SLCO1B3: variants seen among roughly 807,000 people sequenced by gnomAD.
SLCO1B3 encodes the protein solute carrier organic anion transporter family member 1B3.
Under a neutral mutation model 71.8 loss-of-function variants are expected in SLCO1B3, and 72 were observed. The observed-to-expected ratio is 1.00, with a 90% CI of 0.83 to 1.22. The LOEUF (loss-of-function observed/expected upper bound fraction) is 1.22, where lower values mean the gene tolerates loss of function less well. Ranked by LOEUF, SLCO1B3 falls within the 50% of genes most tolerant of loss-of-function variation. SLCO1B3 has a pLI of 0.00. For synonymous variants in SLCO1B3, 298 were observed against 278.4 expected, an observed-to-expected ratio of 1.07 and a Z score of -0.70; for missense variants, 911 against 819.7, an observed-to-expected ratio of 1.11 and a Z score of -1.36.
chr12:20,848,516 A>G (rs1295339089), intron 3 of SLCO1B3, among the ~76,000 whole-genome samples: 1 of 152,182 alleles, frequency 6.6e-6, no homozygotes, highest in African/African-American at 2.4e-5. Context: ...ACTTATATCC[A>G]CATAAAAGCC....
chr12:20,815,268 A>G (rs989610284), intron 2 of SLCO1B3, among the ~76,000 whole-genome samples: 5 of 152,162 alleles, frequency 3.3e-5, no homozygotes, highest in African/African-American at 9.7e-5. Context: ...ACTATGTGCA[A>G]GTCATCATTT....
chr12:20,913,280 T>C (rs774840055), intron 15 of SLCO1B3, among the ~76,000 whole-genome samples: 8 of 152,196 alleles, frequency 5.3e-5, no homozygotes, highest in Non-Finnish European at 1.0e-4. Flanking sequence ...AACAATACAC[T>C]ATGTACCATA....
intron 8 of SLCO1B3, among the ~76,000 whole-genome samples, chr12:20,870,376 C>G (rs1865454333): frequency 6.6e-6 from 1 of 152,016 alleles, no homozygotes; most frequent in Admixed American, 6.6e-5. Context: ...ATTGCCTGTG[C>G]TTTTGGTGGT....
At chr12:20,852,000 T>C (rs937387703) in intron 3 of SLCO1B3, among the ~76,000 whole-genome samples, 5 of 152,220 alleles carry the variant, frequency 3.3e-5, no homozygotes, top group African/African-American at 1.2e-4. Context: ...CTCTATTCTA[T>C]TCCATTGTTT....
intron 3 of SLCO1B3, among the ~76,000 whole-genome samples, chr12:20,853,077 G>T (rs538141040): frequency 5.3e-5 from 8 of 152,128 alleles, no homozygotes; most frequent in Non-Finnish European, 1.0e-4. Context: ...ATTTAATTTT[G>T]TATGTTAAAC....
intron 3 of SLCO1B3, among the ~76,000 whole-genome samples, chr12:20,854,339 T>C (rs1034792247): frequency 6.6e-6 from 1 of 152,118 alleles, no homozygotes; most frequent in African/African-American, 2.4e-5. Context: ...CATTTTTCCT[T>C]CAGTTGTATC....
At chr12:20,876,040 T>G (rs1383668139) in intron 9 of SLCO1B3, among the ~76,000 whole-genome samples, 1 of 151,432 alleles carries the variant, frequency 6.6e-6, no homozygotes, top group Non-Finnish European at 1.5e-5. Context: ...AAGATTATTT[T>G]TCTTGGTAAT....
chr12:20,829,083 G>A (rs1011115503), intron 3 of SLCO1B3, among the ~76,000 whole-genome samples: 1 of 152,150 alleles, frequency 6.6e-6, no homozygotes, highest in African/African-American at 2.4e-5. Flanking sequence ...CTTTGACCAT[G>A]TTGAGTAGAG....
chr12:20,850,336 A>G lies in SLCO1B3; in HGVS notation c.85-4692A>G, dbSNP rs370106781. ...GCTCTGTCGCCAAGGCTGGAGTGCC[A>G]TGGCGCATTCTCGGCTCACTGCAAG... is the stretch of plus-strand genomic sequence containing the variant. On this transcript the variant is annotated intron_variant, in intron 3 of 15. Transcript: ENST00000381545. 2.4e-4 allele frequency among the ~76,000 whole-genome samples: 36 copies of G among 150,652 alleles called. 1 individual carries two copies. In the South Asian group the frequency reaches 7.3e-3, roughly 31 times the overall value.
rs114735965 is a variant in SLCO1B3, at chr12:20,845,082, A to G, written c.85-9946A>G. The G allele has an allele frequency of 1.6e-3, 657 of 401,084 alleles. 4 individuals carry two copies. Among genetic ancestry groups the G allele is most frequent in the African/African-American group, 0.013 (624 of 46,804 alleles). The allele number at this position is 401,084 out of a possible 1,614,324, so 24.8% of individuals were successfully genotyped here. On this transcript the variant is annotated intron_variant, in intron 3 of 15. Transcript: ENST00000381545. ...CTATCCCTCTAAGTTTCAGAGATGG[A>G]TTCATTGCTAACCAAGGTGATGGAA...
In SLCO1B3 at chr12:20,901,387, T is replaced by G. The variant is rs1159094643; in HGVS notation, c.1785T>G (p.Ile595Met). ...CTCCAATATATTTTGGGGCTCTGATTGATAAAACATGTATGAAGTGGTCCA... is the reference window on the plus strand; with the variant it reads ...CTCCAATATATTTTGGGGCTCTGATGGATAAAACATGTATGAAGTGGTCCA... Reference protein sequence around the residue: ...ILAPIYFGALIDKTCMKWSTN... With the variant: ...ILAPIYFGALMDKTCMKWSTN... Residue 595 changes from isoleucine (I) to methionine (M), a missense_variant, in exon 15 of 16, where the codon ATT becomes ATG. Physicochemically the swap from Ile to Met is conservative, Grantham distance 10 (BLOSUM62 1). Coordinates refer to ENST00000381545, the MANE Select transcript of SLCO1B3 (RefSeq NM_019844.4). The G allele has an allele frequency of 1.3e-6, 2 of 1,592,118 alleles. No homozygotes were observed. Among genetic ancestry groups the G allele is most frequent in the South Asian group, 1.2e-5 (1 of 85,210 alleles).
At position 20,818,130 on chromosome 12, in the gene SLCO1B3, G is replaced by A. The variant is rs538452910; in HGVS notation, c.84+2308G>A. Reference sequence around the variant, plus strand: ...AGACTGGGGCCTAATAAAAAGGAGCGTCTATACAGGAGCTTAAATGGGCTG... The same window carrying A: ...AGACTGGGGCCTAATAAAAAGGAGCATCTATACAGGAGCTTAAATGGGCTG... On this transcript the variant is annotated intron_variant, in intron 3 of 15. Transcript: ENST00000381545. Among the ~76,000 whole-genome samples, 108 of 152,256 alleles carry A rather than the reference G, an allele frequency of 7.1e-4. No individual in the cohort carries two copies. The South Asian group carries it at 0.02, about 29-fold the overall frequency.
At chr12:20,828,138 T>C (rs1303190630) in intron 3 of SLCO1B3, among the ~76,000 whole-genome samples, 1 of 152,096 alleles carries the variant, frequency 6.6e-6, no homozygotes, top group Non-Finnish European at 1.5e-5. Context: ...TGCACAAAGC[T>C]CCACTGAATC....
chr12:20,851,241 C>A (rs1446104447), intron 3 of SLCO1B3, among the ~76,000 whole-genome samples: 1 of 152,096 alleles, frequency 6.6e-6, no homozygotes, highest in Non-Finnish European at 1.5e-5. Context: ...TTTGTGAAAA[C>A]TCCAAACTAG....
chr12:20,871,068 A>G (rs1019760117), intron 8 of SLCO1B3, among the ~76,000 whole-genome samples: 9 of 152,088 alleles, frequency 5.9e-5, no homozygotes, highest in African/African-American at 9.7e-5. Context: ...ATTCTAATGT[A>G]TTGTTGAATT....
At chr12:20,911,211 G>T (rs923259370) in intron 15 of SLCO1B3, among the ~76,000 whole-genome samples, 1 of 152,046 alleles carries the variant, frequency 6.6e-6, no homozygotes. Context: ...GTGATCATGT[G>T]ATTTTTTTCT....
intron 13 of SLCO1B3, among the ~76,000 whole-genome samples, chr12:20,896,358 A>T (rs763959846): frequency 6.6e-6 from 1 of 152,206 alleles, no homozygotes; most frequent in Non-Finnish European, 1.5e-5. Flanking sequence ...CTTTAACAGC[A>T]CCAAAGTCAC....
In SLCO1B3 at chr12:20,916,111, C is replaced by T. The variant is rs947591133; in HGVS notation, c.1973C>T (p.Ala658Val). Residue 658 changes from alanine (A) to valine (V), a missense_variant, in exon 16 of 16, where the codon GCA becomes GTA. Transcript: ENST00000381545. Reference sequence around the variant, plus strand: ...AAATTTCAAGGAAAAGATACCAAGGCATCGGACAATGAAAGAAAAGTAATG... The same window carrying T: ...AAATTTCAAGGAAAAGATACCAAGGTATCGGACAATGAAAGAAAAGTAATG... ...KKKFQGKDTK[A>V]SDNERKVMDE... The T allele has an allele frequency of 2.5e-6, 4 of 1,613,288 alleles. No homozygotes were observed. Among genetic ancestry groups the T allele is most frequent in the African/African-American group, 1.3e-5 (1 of 74,992 alleles).
At chr12:20,843,255 A>G (rs1406439985) in intron 3 of SLCO1B3, among the ~76,000 whole-genome samples, 1 of 152,076 alleles carries the variant, frequency 6.6e-6, no homozygotes, top group Admixed American at 6.6e-5. Context: ...TTTTTAAAAG[A>G]CAATTACAAA....
Sources: allele counts gnomAD v4.1 joint callset (sites outside exome capture counted in the v4.1 genomes callset), GRCh38; gene constraint gnomAD v4.1.1; transcripts MANE v1.5; gene names NCBI Gene and HGNC (gene_info 2026-07-23, HGNC 2026-07-21).